The following LY6G6D variants were observed in gnomAD, a reference collection of about 807,000 sequenced individuals.
LY6G6D encodes the protein lymphocyte antigen 6 family member G6D, also known as lymphocyte antigen 6 complex locus protein G6d.
LY6G6D carries 5 observed loss-of-function variants against 8.5 expected under a neutral mutation model. The ratio of observed to expected loss-of-function variants is 0.59; its 90% CI spans 0.31 to 1.24. The LOEUF (loss-of-function observed/expected upper bound fraction) is 1.24. LY6G6D is among the 50% of genes most tolerant of loss of function. The pLI is 0.07. For synonymous variants in LY6G6D, 65 were observed against 69.6 expected (o/e 0.93, Z 0.33); for missense variants, 154 against 170.4 (o/e 0.90, Z 0.53).
At position 31,715,624 on chromosome 6, in the gene LY6G6D, C is replaced by A. The variant is rs759316788; in HGVS notation, c.178C>A (p.Pro60Thr). 4 of 1,612,030 alleles carry A rather than the reference C, an allele frequency of 2.5e-6. No individual in the cohort carries two copies. The highest frequency in any genetic ancestry group is 3.4e-6 in the Non-Finnish European group (4 of 1,179,288). ...GGAACAGATCAAGCTACCTGGAAAC[C>A]GTGAGTCCTCAGTTTCTCCCTCTTC... ...GLEQIKLPGN[P>T]PVTLIHQHPA... The change falls in exon 2 of 3, where the codon CCC becomes ACC. Residue 60 changes from proline to threonine, a missense_variant and splice_region_variant. Physicochemically the swap from Pro to Thr is conservative, Grantham distance 38. Coordinates refer to ENST00000375825, the MANE Select transcript of LY6G6D (RefSeq NM_021246.4).
In LY6G6D at chr6:31,715,661, C is replaced by G. The variant is rs541413835; in HGVS notation, c.178+37C>G. The G allele has an allele frequency of 8.1e-6, 13 of 1,605,762 alleles. No individual in the cohort carries two copies. In the East Asian group the frequency reaches 2.7e-4, roughly 33 times the overall value. ...GTTTCTCCCTCTTCCAGCAGCCTTT[C>G]CCTGCCTCCAGCCCCATGTCAATCC... On this transcript the variant is annotated intron_variant, in intron 2 of 2. Transcript: ENST00000375825.
intron 2 of LY6G6D, 66 bp downstream of exon 2, chr6:31,715,690 T>C: frequency 6.3e-7 from 1 of 1,586,586 alleles, no homozygotes. Context: ...TCAATCCTTC[T>C]GGCTTCCAGA....
At chr6:31,715,817 C>A (rs142319575) in intron 2 of LY6G6D, among the ~76,000 whole-genome samples, 193 bp downstream of exon 2, 2 of 152,136 alleles carry the variant, frequency 1.3e-5, no homozygotes, top group Non-Finnish European at 2.9e-5. Flanking sequence ...CTTGTGCCCC[C>A]ACTTCCCCAC....
chr6:31,717,321 T>G lies in LY6G6D; in HGVS notation c.179-260T>G. The G allele has an allele frequency of 1.5e-6, 1 of 677,404 alleles. No homozygotes were observed. The highest frequency in any genetic ancestry group is 2.4e-6 in the Non-Finnish European group (1 of 410,022). 42.0% of individuals were successfully genotyped at this position (677,404 alleles called of 1,614,324 possible). On this transcript the variant is annotated intron_variant, in intron 2 of 2. Transcript: ENST00000375825. The surrounding 1 kb of genome is among the most constrained non-coding windows in gnomAD (Gnocchi z 5.0). ...TTATAGAATGTCCCTCGATATTTAT[T>G]TATCTGATATTTGCCATGATGAGAT...
At position 31,717,567 on chromosome 6, in the gene LY6G6D, A is replaced by G; in HGVS notation, c.179-14A>G. ...GCCAGGAGTCCAACACCCCAGTTTC[A>G]TTCTCTCTCTCAGCCCCAGTGACCT... On this transcript the variant is annotated splice_polypyrimidine_tract_variant and intron_variant, in intron 2 of 2. Transcript: ENST00000375825. This position sits in a 1 kb window ranked among gnomAD's most constrained non-coding sequence, Gnocchi z 5.0. The G allele has an allele frequency of 1.2e-6, 2 of 1,614,204 alleles. No individual in the cohort carries two copies. Among genetic ancestry groups the G allele is most frequent in the African/African-American group, 2.7e-5 (2 of 75,046 alleles).
In LY6G6D at chr6:31,717,776, G is replaced by A. The variant is rs770352658; in HGVS notation, c.374G>A (p.Cys125Tyr). ...GCTGCAGCAGCTACCGCCCTGACCT[G>A]TCTCTTGCCAGGACTGTGGAGCGGA... is the stretch of plus-strand genomic sequence containing the variant. ...ILAAAATALT[C>Y]LLPGLWSG Residue 125 changes from cysteine (C) to tyrosine (Y), a missense_variant, in exon 3 of 3, where the codon TGT (cysteine) becomes TAT (tyrosine). Cys to Tyr is a radical substitution (Grantham distance 194). Transcript: ENST00000375825. The surrounding 1 kb of genome is among the most constrained non-coding windows in gnomAD (Gnocchi z 5.0). 5 of 1,613,458 alleles carry A rather than the reference G, an allele frequency of 3.1e-6. No homozygotes were observed. The highest frequency in any genetic ancestry group is 3.4e-6 in the Non-Finnish European group (4 of 1,180,010).
chr6:31,716,477 G>T lies in LY6G6D; in HGVS notation c.178+853G>T, dbSNP rs1806440550. ...CAGATTAAAAAATTAGTTGGGTGTG[G>T]TGGCACATGCTTGTAGTCCTAGCTA... is the stretch of plus-strand genomic sequence containing the variant. On this transcript the variant is annotated intron_variant, in intron 2 of 2. Transcript: ENST00000375825. The surrounding 1 kb of genome is among the most constrained non-coding windows in gnomAD (Gnocchi z 5.1). Among the ~76,000 whole-genome samples the T allele has an allele frequency of 1.3e-5, 2 of 152,060 alleles. No homozygotes were observed.
Position 31,717,199 on chromosome 6 carries a change from G to A in LY6G6D, c.179-382G>A, listed in dbSNP as rs1419159808. On this transcript the variant is annotated intron_variant, in intron 2 of 2. Transcript: ENST00000375825. The surrounding 1 kb of genome is among the most constrained non-coding windows in gnomAD (Gnocchi z 5.0). Reference sequence around the variant, plus strand: ...CAAGAGGTGGAGGTCGCGGTGAGCCGAGATCACACCATTGCACTCCAGCTG... The same window carrying A: ...CAAGAGGTGGAGGTCGCGGTGAGCCAAGATCACACCATTGCACTCCAGCTG... Among the ~76,000 whole-genome samples, 1 of 144,394 alleles carries A rather than the reference G, an allele frequency of 6.9e-6. No individual in the cohort carries two copies. The highest frequency in any genetic ancestry group is 2.6e-5 in the African/African-American group (1 of 38,640). The allele number at this position is 144,394 out of a possible 152,430, so 94.7% of individuals were successfully genotyped here.
At chr6:31,715,444 C>T in intron 1 of LY6G6D, 34 bp downstream of exon 1, 2 of 1,605,652 alleles carry the variant, frequency 1.2e-6, no homozygotes, top group Non-Finnish European at 8.5e-7. Context: ...CTCACACAGG[C>T]CTTCTGCCAG....
In LY6G6D at chr6:31,717,007, T is replaced by C. The variant is rs1373808347; in HGVS notation, c.179-574T>C. Among the ~76,000 whole-genome samples the C allele has an allele frequency of 6.6e-6, 1 of 152,182 alleles. No individual in the cohort carries two copies. The highest frequency in any genetic ancestry group is 6.5e-5 in the Admixed American group (1 of 15,280). ...GGCTCACGCCTGTAATCCCAGCACT[T>C]TGGGAGGCCAAGGCGGGTGGATAAC... On this transcript the variant is annotated intron_variant, in intron 2 of 2. Coordinates refer to ENST00000375825, the MANE Select transcript of LY6G6D (RefSeq NM_021246.4). The surrounding 1 kb of genome is among the most constrained non-coding windows in gnomAD (Gnocchi z 5.0).
rs1806500494 is a variant in LY6G6D, at chr6:31,717,269, C to T, written c.179-312C>T. Among the ~76,000 whole-genome samples the T allele has an allele frequency of 6.6e-6, 1 of 151,322 alleles. No homozygotes were observed. The highest frequency in any genetic ancestry group is 6.6e-5 in the Admixed American group (1 of 15,182). On this transcript the variant is annotated intron_variant, in intron 2 of 2. Coordinates refer to ENST00000375825, the MANE Select transcript of LY6G6D (RefSeq NM_021246.4). This position sits in a 1 kb window ranked among gnomAD's most constrained non-coding sequence, Gnocchi z 5.0. ...CGTCTCAAAAAAAAAAAAAAAATTA[C>T]AGATACTTGAAATACTAAAAATTAT...
At position 31,716,358 on chromosome 6, in the gene LY6G6D, G is replaced by C. The variant is rs770483050; in HGVS notation, c.178+734G>C. Among the ~76,000 whole-genome samples the C allele has an allele frequency of 2.6e-5, 4 of 152,154 alleles. No homozygotes were observed. Among genetic ancestry groups the C allele is most frequent in the African/African-American group, 4.8e-5 (2 of 41,414 alleles). On this transcript the variant is annotated intron_variant, in intron 2 of 2. Transcript: ENST00000375825. The surrounding 1 kb of genome is among the most constrained non-coding windows in gnomAD (Gnocchi z 5.1). ...TAATCCCAGCACTTTAGGAGGCCAA[G>C]GTGGGAGGACCACTTGAGCCCAAGA...
Position 31,715,386 on chromosome 6 carries a change from A to G in LY6G6D, c.31A>G (p.Ser11Gly). ...ACCCCAGTTTGTTGGGATCTTGCTCAGCTCCCTGCTAGGGGCTGCCTTGGG... is the reference window on the plus strand; with the variant it reads ...ACCCCAGTTTGTTGGGATCTTGCTCGGCTCCCTGCTAGGGGCTGCCTTGGG... MKPQFVGILLSSLLGAALGNR... is the reference protein window; with the variant it reads MKPQFVGILLGSLLGAALGNR... Residue 11 changes from serine (S) to glycine (G), a missense_variant, in exon 1 of 3, where the codon AGC (serine) becomes GGC (glycine). Coordinates refer to ENST00000375825, the MANE Select transcript of LY6G6D (RefSeq NM_021246.4). 6.2e-7 allele frequency: 1 copy of G among 1,605,224 alleles called. No individual in the cohort carries two copies. The highest frequency in any genetic ancestry group is 1.1e-5 in the South Asian group (1 of 90,376).
chr6:31,715,385 C>T lies in LY6G6D; in HGVS notation c.30C>T (p.Leu10=). 6.2e-7 allele frequency: 1 copy of T among 1,605,336 alleles called. No individual in the cohort carries two copies. The highest frequency in any genetic ancestry group is 1.7e-5 in the Admixed American group (1 of 59,448). ...AACCCCAGTTTGTTGGGATCTTGCT[C>T]AGCTCCCTGCTAGGGGCTGCCTTGG... The part of the protein sequence containing the change: MKPQFVGIL[L]SSLLGAALGN... Residue 10 remains leucine (L), a synonymous_variant, in exon 1 of 3, where the codon CTC becomes CTT. Coordinates refer to ENST00000375825, the MANE Select transcript of LY6G6D (RefSeq NM_021246.4).
intron 2 of LY6G6D, 57 bp downstream of exon 2, chr6:31,715,681 C>T: frequency 6.3e-7 from 1 of 1,594,182 alleles, no homozygotes; most frequent in Admixed American, 1.7e-5. Context: ...AGCCCCATGT[C>T]AATCCTTCTG....
intron 2 of LY6G6D, 125 bp downstream of exon 2, chr6:31,715,749 G>T: frequency 7.0e-7 from 1 of 1,428,198 alleles, no homozygotes; most frequent in South Asian, 1.4e-5. Context: ...GCTGTTAGAG[G>T]AGAGCAGTCT....
At position 31,717,647 on chromosome 6, in the gene LY6G6D, C is replaced by T. The variant is rs1486939249; in HGVS notation, c.245C>T (p.Thr82Ile). 1 of 1,614,214 alleles carries T rather than the reference C, an allele frequency of 6.2e-7. No individual in the cohort carries two copies. Among genetic ancestry groups the T allele is most frequent in the South Asian group, 1.1e-5 (1 of 91,088 alleles). ...GCCCATCATTGCAATCAAGTGGAGACAGAGTCGGTGGGAGACGTGACTTAT... is the reference window on the plus strand; with the variant it reads ...GCCCATCATTGCAATCAAGTGGAGATAGAGTCGGTGGGAGACGTGACTTAT... ...VAAHHCNQVE[T>I]ESVGDVTYPA... Residue 82 changes from threonine (T) to isoleucine (I), a missense_variant, in exon 3 of 3, where the codon ACA (threonine) becomes ATA (isoleucine). Transcript: ENST00000375825. The surrounding 1 kb of genome is among the most constrained non-coding windows in gnomAD (Gnocchi z 5.0).
chr6:31,715,683 A>T, intron 2 of LY6G6D, 59 bp downstream of exon 2: 1 of 1,592,594 alleles, frequency 6.3e-7, no homozygotes, highest in East Asian at 2.3e-5. Context: ...CCCCATGTCA[A>T]TCCTTCTGGC....
rs1412888280 is a variant in LY6G6D at position 31,717,217 on chromosome 6, T to A, written c.179-364T>A. On this transcript the variant is annotated intron_variant, in intron 2 of 2. Coordinates refer to ENST00000375825, the MANE Select transcript of LY6G6D (RefSeq NM_021246.4). The surrounding 1 kb of genome is among the most constrained non-coding windows in gnomAD (Gnocchi z 5.0). Reference sequence around the variant, plus strand: ...GTGAGCCGAGATCACACCATTGCACTCCAGCTGGGCAATAAGAGTGAAACT... The same window carrying A: ...GTGAGCCGAGATCACACCATTGCACACCAGCTGGGCAATAAGAGTGAAACT... Among the ~76,000 whole-genome samples, 1 of 145,768 alleles carries A rather than the reference T, an allele frequency of 6.9e-6. No individual in the cohort carries two copies. Among genetic ancestry groups the A allele is most frequent in the Non-Finnish European group, 1.5e-5 (1 of 67,008 alleles).
Sources: allele counts gnomAD v4.1 joint callset (sites outside exome capture counted in the v4.1 genomes callset), GRCh38; gene constraint gnomAD v4.1.1; non-coding constraint Gnocchi (gnomAD v3.1); transcripts MANE v1.5; gene names NCBI Gene and HGNC (gene_info 2026-07-23, HGNC 2026-07-21).